The following RFTN1 variants were observed in gnomAD, a reference collection of about 807,000 sequenced individuals.
RFTN1 encodes raftlin.
In RFTN1, 26 loss-of-function variants were observed where a neutral mutation model predicts 46.5. That is an observed-to-expected ratio of 0.56 (90% CI 0.41 to 0.78). The LOEUF is 0.78. Ranked by LOEUF, RFTN1 falls within the 30% of genes least tolerant of loss-of-function variation. The probability of loss-of-function intolerance (pLI) is 0.00; values close to 1 mark genes in which losing one functional copy is unlikely to be tolerated. For missense variants in RFTN1, 693 were observed against 718.7 expected (o/e 0.96, Z 0.41); for synonymous variants, 261 against 284.2 (o/e 0.92, Z 0.82).
rs1042789637 is a variant in RFTN1, at chr3:16,489,281, G to T, written c.145+4444C>A. On this transcript the variant is annotated intron_variant, in intron 2 of 9. Transcript: ENST00000334133. This position sits in a 1 kb window ranked among gnomAD's most constrained non-coding sequence, Gnocchi z 4.0. ...AAAAATAAAAAAATTAGCTGGGCAT[G>T]GTGGCGGGCACCTGTAATCCCAACT... is the stretch of plus-strand genomic sequence containing the variant. 6.6e-6 allele frequency among the ~76,000 whole-genome samples: 1 copy of T among 152,072 alleles called. No homozygotes were observed. Among genetic ancestry groups the T allele is most frequent in the Admixed American group, 6.5e-5 (1 of 15,276 alleles).
At chr3:16,331,023 T>C (rs1357781339) in intron 7 of RFTN1, among the ~76,000 whole-genome samples, 1 of 152,242 alleles carries the variant, frequency 6.6e-6, no homozygotes. Flanking sequence ...TTATACATGA[T>C]TGTAAATGAA....
intron 2 of RFTN1, among the ~76,000 whole-genome samples, chr3:16,478,884 T>C (rs765366428): frequency 2.0e-5 from 3 of 152,142 alleles, no homozygotes; most frequent in Admixed American, 1.3e-4. Flanking sequence ...AGGGGAGTAA[T>C]CAAGAGAGAG....
intron 6 of RFTN1, among the ~76,000 whole-genome samples, chr3:16,367,640 T>C (rs1163209047): frequency 6.6e-6 from 1 of 152,200 alleles, no homozygotes; most frequent in African/African-American, 2.4e-5. Flanking sequence ...ATGAATTTAA[T>C]GTGGTTAAAG....
In RFTN1 at chr3:16,377,805, C is replaced by G. The variant is rs1429439858; in HGVS notation, c.739G>C (p.Gly247Arg). Residue 247 changes from glycine to arginine, a missense_variant, in exon 5 of 10, where the codon GGA (glycine) becomes CGA (arginine). Coordinates refer to ENST00000334133, the MANE Select transcript of RFTN1 (RefSeq NM_015150.2). Reference protein sequence around the residue: ...PSSPSGEGDGGELSPQGVSKT... With the variant: ...PSSPSGEGDGRELSPQGVSKT... ...CTCACCCCCTGTGGTGAAAGTTCTC[C>G]ACCATCTCCCTCTCCGGAGGGTGAG... 1.9e-6 allele frequency: 3 copies of G among 1,614,102 alleles called. No homozygotes were observed. In the African/African-American group the frequency reaches 4.0e-5, roughly 22 times the overall value.
rs1326149856 is a variant in RFTN1, at chr3:16,429,401, C to T, written c.332+4450G>A. ...AGATTTAAATAAACTCTTCCTGCCT[C>T]ATGCTCATTACTCCCCATGTTTGCC... is the stretch of plus-strand genomic sequence containing the variant. On this transcript the variant is annotated intron_variant, in intron 3 of 9. Transcript: ENST00000334133. This position sits in a 1 kb window ranked among gnomAD's most constrained non-coding sequence, Gnocchi z 6.4. Among the ~76,000 whole-genome samples, 6 of 152,204 alleles carry T rather than the reference C, an allele frequency of 3.9e-5. No individual in the cohort carries two copies. Among genetic ancestry groups the T allele is most frequent in the South Asian group, 2.1e-4 (1 of 4,824 alleles).
chr3:16,470,808 T>A (rs1269639902), intron 2 of RFTN1, among the ~76,000 whole-genome samples: 3 of 152,122 alleles, frequency 2.0e-5, no homozygotes, highest in African/African-American at 4.8e-5. Flanking sequence ...AGGATACAAT[T>A]CAAAATTACC....
chr3:16,490,453 G>T (rs550034730), intron 2 of RFTN1, among the ~76,000 whole-genome samples: 6 of 152,194 alleles, frequency 3.9e-5, no homozygotes, highest in African/African-American at 1.4e-4. Flanking sequence ...GGGAACAATA[G>T]GGGGAGGATC....
rs75360363 is a variant in RFTN1, at chr3:16,321,810, G to A, written c.1332+1566C>T. ...ATCCTCTCTGAATTTTCCCTGAGGA[G>A]AGTCAGTTCAACCTTATTACAGCAG... On this transcript the variant is annotated intron_variant, in intron 9 of 9. Coordinates refer to ENST00000334133, the MANE Select transcript of RFTN1 (RefSeq NM_015150.2). This position sits in a 1 kb window ranked among gnomAD's most constrained non-coding sequence, Gnocchi z 4.8. Among the ~76,000 whole-genome samples the A allele has an allele frequency of 0.033, 4,953 of 152,294 alleles. 111 individuals carry two copies. The highest frequency in any genetic ancestry group is 0.078 in the Middle Eastern group (23 of 294).
At position 16,500,242 on chromosome 3, in the gene RFTN1, C is replaced by A. The variant is rs2076689865; in HGVS notation, c.-8-6365G>T. Among the ~76,000 whole-genome samples the A allele has an allele frequency of 6.6e-6, 1 of 152,196 alleles. No individual in the cohort carries two copies. The highest frequency in any genetic ancestry group is 2.4e-5 in the African/African-American group (1 of 41,438). On this transcript the variant is annotated intron_variant, in intron 1 of 9. Coordinates refer to ENST00000334133, the MANE Select transcript of RFTN1 (RefSeq NM_015150.2). The surrounding 1 kb of genome is among the most constrained non-coding windows in gnomAD (Gnocchi z 5.9). ...TTCCTATGCTCACCTCACACTGACA[C>A]CTAATGTCAATCAGATTACCTATTT...
chr3:16,513,280 G>A lies in RFTN1; in HGVS notation c.-9+162C>T, dbSNP rs1693746044. The A allele has an allele frequency of 6.6e-6, 1 of 152,480 alleles. No homozygotes were observed. Among genetic ancestry groups the A allele is most frequent in the Admixed American group, 6.5e-5 (1 of 15,292 alleles). The allele number at this position is 152,480 out of a possible 1,614,324, so 9.4% of individuals were successfully genotyped here. A position where few individuals can be genotyped will look rare whatever the true frequency, so the allele number is the denominator to read the frequency against. On this transcript the variant is annotated intron_variant, in intron 1 of 9. Transcript: ENST00000334133. The surrounding 1 kb of genome is among the most constrained non-coding windows in gnomAD (Gnocchi z 5.4). ...AGGTCCCCATCCGACGCGGGCCAGG[G>A]GGTGCTGCTCTGGCAGCTCCGGAGC...
rs1382823060 is a variant in RFTN1 at position 16,334,194 on chromosome 3, C to A, written c.1147-7318G>T. ...CAAAAACAAAAACAAAAAACAACAA[C>A]AAAAAATACCCTGAGATACTATTTT... On this transcript the variant is annotated intron_variant, in intron 7 of 9. Coordinates refer to ENST00000334133, the MANE Select transcript of RFTN1 (RefSeq NM_015150.2). This position sits in a 1 kb window ranked among gnomAD's most constrained non-coding sequence, Gnocchi z 4.3. Among the ~76,000 whole-genome samples the A allele has an allele frequency of 1.3e-5, 2 of 152,030 alleles. No homozygotes were observed. The highest frequency in any genetic ancestry group is 4.8e-5 in the African/African-American group (2 of 41,388).
chr3:16,457,715 C>G lies in RFTN1; in HGVS notation c.146-23678G>C, dbSNP rs926286102. ...GTGGAGCAGGGAATAAGTATACACA[C>G]AACTATTAGACAAAGGAGACTTTTT... On this transcript the variant is annotated intron_variant, in intron 2 of 9. Coordinates refer to ENST00000334133, the MANE Select transcript of RFTN1 (RefSeq NM_015150.2). This position sits in a 1 kb window ranked among gnomAD's most constrained non-coding sequence, Gnocchi z 4.2. 6.6e-6 allele frequency among the ~76,000 whole-genome samples: 1 copy of G among 152,094 alleles called. No individual in the cohort carries two copies. The highest frequency in any genetic ancestry group is 1.5e-5 in the Non-Finnish European group (1 of 68,016).
In RFTN1 at chr3:16,475,997, T is replaced by C. The variant is rs1290906042; in HGVS notation, c.145+17728A>G. Among the ~76,000 whole-genome samples, 1 of 152,268 alleles carries C rather than the reference T, an allele frequency of 6.6e-6. No individual in the cohort carries two copies. Among genetic ancestry groups the C allele is most frequent in the Non-Finnish European group, 1.5e-5 (1 of 68,048 alleles). On this transcript the variant is annotated intron_variant, in intron 2 of 9. Coordinates refer to ENST00000334133, the MANE Select transcript of RFTN1 (RefSeq NM_015150.2). This position sits in a 1 kb window ranked among gnomAD's most constrained non-coding sequence, Gnocchi z 4.2. ...GACACATCATAGGCAGAAACAAAGC[T>C]GTCCTGCTGTTGTGCCAAGTTGAAA...
At position 16,448,951 on chromosome 3, in the gene RFTN1, T is replaced by C. The variant is rs950839115; in HGVS notation, c.146-14914A>G. ...GGTTGTGTTGAGTCCCTGGAAATGC[T>C]TTGTACTGAATTTTCCAGATGATTT... On this transcript the variant is annotated intron_variant, in intron 2 of 9. Transcript: ENST00000334133. The surrounding 1 kb of genome is among the most constrained non-coding windows in gnomAD (Gnocchi z 4.1). Among the ~76,000 whole-genome samples the C allele has an allele frequency of 1.3e-5, 2 of 152,212 alleles. No individual in the cohort carries two copies. The highest frequency in any genetic ancestry group is 4.8e-5 in the African/African-American group (2 of 41,460).
Position 16,509,319 on chromosome 3 carries a change from T to C in RFTN1, c.-9+4123A>G, listed in dbSNP as rs1054793730. Among the ~76,000 whole-genome samples, 2 of 152,234 alleles carry C rather than the reference T, an allele frequency of 1.3e-5. No homozygotes were observed. Among genetic ancestry groups the C allele is most frequent in the Non-Finnish European group, 1.5e-5 (1 of 68,044 alleles). On this transcript the variant is annotated intron_variant, in intron 1 of 9. Coordinates refer to ENST00000334133, the MANE Select transcript of RFTN1 (RefSeq NM_015150.2). The surrounding 1 kb of genome is among the most constrained non-coding windows in gnomAD (Gnocchi z 4.9). The stretch of plus-strand genomic sequence containing the variant: ...GCTTTGTGTATTTGGAAATCCGTGA[T>C]TGTAGACAGATTTTGCCTTCAAAAA...
rs1050589725 is a variant in RFTN1 at position 16,421,931 on chromosome 3, C to T, written c.332+11920G>A. On this transcript the variant is annotated intron_variant, in intron 3 of 9. Coordinates refer to ENST00000334133, the MANE Select transcript of RFTN1 (RefSeq NM_015150.2). This position sits in a 1 kb window ranked among gnomAD's most constrained non-coding sequence, Gnocchi z 4.6. ...CCAGCCCTTCTGCAGGCCCCTCCTG[C>T]TCCATACAGCACATGTGACCTCTGA... 1.3e-5 allele frequency among the ~76,000 whole-genome samples: 2 copies of T among 152,184 alleles called. No individual in the cohort carries two copies. Among genetic ancestry groups the T allele is most frequent in the East Asian group, 1.9e-4 (1 of 5,196 alleles).
chr3:16,459,985 C>G lies in RFTN1; in HGVS notation c.146-25948G>C, dbSNP rs2075980721. On this transcript the variant is annotated intron_variant, in intron 2 of 9. Coordinates refer to ENST00000334133, the MANE Select transcript of RFTN1 (RefSeq NM_015150.2). This position sits in a 1 kb window ranked among gnomAD's most constrained non-coding sequence, Gnocchi z 4.2. ...ACTGAAGCCAAGACATTTTTGAGAA[C>G]ATGAATTTTCCATATGATTGACTTA... 6.6e-6 allele frequency among the ~76,000 whole-genome samples: 1 copy of G among 152,100 alleles called. No homozygotes were observed. The highest frequency in any genetic ancestry group is 2.4e-5 in the African/African-American group (1 of 41,426).
At chr3:16,347,264 C>T (rs905361015) in intron 7 of RFTN1, among the ~76,000 whole-genome samples, 2 of 152,202 alleles carry the variant, frequency 1.3e-5, no homozygotes, top group South Asian at 4.1e-4. Flanking sequence ...ACAGGGCAAC[C>T]CTGGAGAGAC....
intron 3 of RFTN1, chr3:16,416,351 A>C: frequency 3.0e-6 from 1 of 333,470 alleles, no homozygotes; most frequent in African/African-American, 2.6e-5. Flanking sequence ...AGCCCCGTTA[A>C]GTTTTAAAAA....
Sources: allele counts gnomAD v4.1 joint callset (sites outside exome capture counted in the v4.1 genomes callset), GRCh38; gene constraint gnomAD v4.1.1; non-coding constraint Gnocchi (gnomAD v3.1); transcripts MANE v1.5; gene names NCBI Gene and HGNC (gene_info 2026-07-23, HGNC 2026-07-21).